Variants in TNNI3K observed in about 807,000 individuals in gnomAD.
The protein encoded by TNNI3K is TNNI3 interacting kinase.
A neutral mutation model predicts 114.5 loss-of-function variants in TNNI3K; 140 were observed. That is an observed-to-expected ratio of 1.22 (90% CI 1.07 to 1.41). The LOEUF (loss-of-function observed/expected upper bound fraction) is 1.41, where lower values mean the gene tolerates loss of function less well. Among genes scored for constraint, TNNI3K ranks in the 40% most tolerant of loss-of-function variants. TNNI3K has a pLI of 0.00. For missense variants in TNNI3K, 1,125 were observed against 1,007.6 expected (o/e 1.12, Z -1.58); for synonymous variants, 347 against 347.5 (o/e 1.00, Z 0.02).
At chr1:74,352,454 C>T (rs1001861302) in intron 9 of TNNI3K, among the ~76,000 whole-genome samples, 5 of 148,786 alleles carry the variant, frequency 3.4e-5, no homozygotes, top group African/African-American at 1.2e-4. Context: ...ATTCTCAGAT[C>T]TCAAGCTGCA....
At chr1:74,423,526 A>G (rs1233608467) in intron 17 of TNNI3K, among the ~76,000 whole-genome samples, 1 of 152,156 alleles carries the variant, frequency 6.6e-6, no homozygotes, top group Non-Finnish European at 1.5e-5. Flanking sequence ...CTGACACTTT[A>G]TCAAATGTGT....
intron 4 of TNNI3K, among the ~76,000 whole-genome samples, chr1:74,270,900 T>G (rs992104521): frequency 6.6e-6 from 1 of 151,702 alleles, no homozygotes; most frequent in African/African-American, 2.4e-5. Context: ...AAATATTATT[T>G]CATGTATCTC....
chr1:74,526,738 A>G (rs1174680632), intron 23 of TNNI3K, among the ~76,000 whole-genome samples: 2 of 152,212 alleles, frequency 1.3e-5, no homozygotes, highest in East Asian at 1.9e-4. Flanking sequence ...GAGATCCTAC[A>G]TTCACTGAGA....
At chr1:74,360,972 A>C (rs1376842336) in intron 11 of TNNI3K, among the ~76,000 whole-genome samples, 1 of 152,052 alleles carries the variant, frequency 6.6e-6, no homozygotes, top group African/African-American at 2.4e-5. Flanking sequence ...GCTTGTTGAA[A>C]TCAGTAAGAG....
In TNNI3K at chr1:74,445,896, C is replaced by T. The variant is rs1087090; in HGVS notation, c.2011+6274C>T. Among the ~76,000 whole-genome samples, 1,112 of 152,308 alleles carry T rather than the reference C, an allele frequency of 7.3e-3. 11 individuals are homozygous for T. Among genetic ancestry groups the T allele is most frequent in the African/African-American group, 0.025 (1,044 of 41,560 alleles). ...AAGTGCTGGGACTACAGGCGTGAGC[C>T]ACCGTGCCCGGCCGTTCCACATTTT... On this transcript the variant is annotated intron_variant, in intron 20 of 24. Coordinates refer to ENST00000326637, the MANE Select transcript of TNNI3K (RefSeq NM_015978.3).
At chr1:74,235,951 C>T in intron 1 of TNNI3K, 151 bp from the exon 2 acceptor site, 1 of 497,508 alleles carries the variant, frequency 2.0e-6, no homozygotes, top group Non-Finnish European at 3.5e-6. Context: ...TAAATATAAA[C>T]ATCTGCATTT....
chr1:74,425,903 G>A (rs574089922), intron 17 of TNNI3K, among the ~76,000 whole-genome samples: 1 of 152,024 alleles, frequency 6.6e-6, no homozygotes, highest in South Asian at 2.1e-4. Flanking sequence ...TTCCATTCCT[G>A]TGACTAATAC....
At chr1:74,534,724 T>A (rs1646638563) in intron 23 of TNNI3K, among the ~76,000 whole-genome samples, 1 of 120,206 alleles carries the variant, frequency 8.3e-6, no homozygotes, top group African/African-American at 2.5e-5. Flanking sequence ...ATGAATATTC[T>A]ACAGATTTCT....
intron 17 of TNNI3K, among the ~76,000 whole-genome samples, chr1:74,415,193 T>C (rs551280680): frequency 7.9e-5 from 12 of 152,250 alleles, no homozygotes; most frequent in African/African-American, 2.4e-4. Flanking sequence ...CCCATATGGC[T>C]GTCCTTCTCA....
chr1:74,426,903 G>GTAATCTGAAAAGATTACTCTTT (rs1385932642), intron 17 of TNNI3K, among the ~76,000 whole-genome samples: 2 of 151,922 alleles, frequency 1.3e-5, no homozygotes, highest in East Asian at 3.9e-4. Flanking sequence ...TAGATCCTCA[G>GTAATCTGAAAAGATTACTCTTT]TTCAGGGAAA....
At chr1:74,273,164 C>A (rs566174689) in intron 5 of TNNI3K, among the ~76,000 whole-genome samples, 1 of 152,054 alleles carries the variant, frequency 6.6e-6, no homozygotes. Context: ...TCAAAGGGCT[C>A]TTACATTCAA....
At chr1:74,474,735 T>C (rs1179220823) in intron 21 of TNNI3K, among the ~76,000 whole-genome samples, 4 of 152,114 alleles carry the variant, frequency 2.6e-5, no homozygotes, top group Non-Finnish European at 5.9e-5. Context: ...CCAGATTCAC[T>C]TGGCTCCCAG....
chr1:74,537,066 A>G (rs918711888), intron 23 of TNNI3K, among the ~76,000 whole-genome samples: 18 of 152,176 alleles, frequency 1.2e-4, no homozygotes, highest in African/African-American at 4.3e-4. Flanking sequence ...GAGCCAGCCT[A>G]TGTGGTATCT....
chr1:74,247,224 G>A (rs1654621353), intron 2 of TNNI3K, among the ~76,000 whole-genome samples: 1 of 152,116 alleles, frequency 6.6e-6, no homozygotes, highest in African/African-American at 2.4e-5. Flanking sequence ...CTGGCTTCAG[G>A]AGTGAAGCCG....
At chr1:74,491,975 C>G (rs1669099498) in intron 22 of TNNI3K, 122 bp from the exon 23 acceptor site, 1 of 1,336,148 alleles carries the variant, frequency 7.5e-7, no homozygotes, top group African/African-American at 1.5e-5. Context: ...CAGGAGCAAG[C>G]TGAGTGAATA....
At chr1:74,291,424 C>T (rs532396158) in intron 5 of TNNI3K, among the ~76,000 whole-genome samples, 1 of 151,562 alleles carries the variant, frequency 6.6e-6, no homozygotes, top group South Asian at 2.1e-4. Flanking sequence ...TATATGTTTA[C>T]ATAGGTCTTA....
chr1:74,339,139 A>C (rs1173896589), intron 7 of TNNI3K, among the ~76,000 whole-genome samples: 2 of 152,174 alleles, frequency 1.3e-5, no homozygotes, highest in African/African-American at 4.8e-5. Context: ...TGTCTCTTTC[A>C]GTGCAAAAGG....
rs199847008 is a variant in TNNI3K, at chr1:74,342,899, A to T, written c.740A>T (p.His247Leu). 1 of 1,613,906 alleles carries T rather than the reference A, an allele frequency of 6.2e-7. No individual in the cohort carries two copies. The highest frequency in any genetic ancestry group is 8.5e-7 in the Non-Finnish European group (1 of 1,179,900). ...VPLHFCSRFG[H>L]HDIVKYLLQS... ...CTCCATTTCTGTTCTCGATTTGGAC[A>T]CCATGATATAGTTAAGTATCTGCTG... Residue 247 changes from histidine (H) to leucine (L), a missense_variant, in exon 8 of 25, where the codon CAC becomes CTC. His to Leu is a moderately conservative substitution (Grantham distance 99). Coordinates refer to ENST00000326637, the MANE Select transcript of TNNI3K (RefSeq NM_015978.3).
intron 9 of TNNI3K, among the ~76,000 whole-genome samples, chr1:74,349,777 C>T (rs889186554): frequency 3.3e-5 from 5 of 152,144 alleles, no homozygotes; most frequent in Non-Finnish European, 7.3e-5. Flanking sequence ...TTATAGTATT[C>T]TCTGATGGTA....
Sources: allele counts gnomAD v4.1 joint callset (sites outside exome capture counted in the v4.1 genomes callset), GRCh38; gene constraint gnomAD v4.1.1; transcripts MANE v1.5; gene names NCBI Gene and HGNC (gene_info 2026-07-23, HGNC 2026-07-21).